Variants in RPS23 observed in about 807,000 individuals in gnomAD.
The protein encoded by RPS23 is small ribosomal subunit protein uS12.
For synonymous variants in RPS23, 66 were observed against 60.4 expected (o/e 1.09, Z -0.43); for missense variants, 73 against 174.5 (o/e 0.42, Z 3.28).
intron 2 of RPS23, chr5:82,276,807 G>T: frequency 3.3e-6 from 1 of 301,008 alleles, no homozygotes; most frequent in East Asian, 5.5e-5. Context: ...TGCCTAGAAC[G>T]TCAAGATGGC....
rs904535082 is a variant in RPS23, at chr5:82,276,017, C to T, written c.*92G>A. On this transcript the variant is annotated 3_prime_UTR_variant, in exon 4 of 4. Transcript: ENST00000296674. ...AAGGGGGGGTGGTGGTGGTAATGAA[C>T]ATGATCTTCGTGGTGAGAACAGGGG... The T allele has an allele frequency of 1.6e-4, 201 of 1,242,940 alleles. No homozygotes were observed. Among genetic ancestry groups the T allele is most frequent in the Admixed American group, 2.1e-4 (9 of 43,508 alleles). The allele number at this position is 1,242,940 out of a possible 1,614,324, so 77.0% of individuals were successfully genotyped here.
rs774513139 is a variant in RPS23 at position 82,276,112 on chromosome 5, T to C, written c.429A>G (p.Ser143=). 4.9e-5 allele frequency: 79 copies of C among 1,596,268 alleles called. No homozygotes were observed. The African/African-American group carries it at 9.1e-4, about 18-fold the overall frequency. ...LYKGKKERPR[S] ...ACAGTGTTTTCACCATTAATATTTA[T>C]GATCTTGGTCTTTCCTTCTTGCCTT... Residue 143 remains serine, a synonymous_variant, in exon 4 of 4, where the codon TCA becomes TCG. Transcript: ENST00000296674.
intron 2 of RPS23, chr5:82,277,408 A>AT: frequency 7.0e-6 from 3 of 431,060 alleles, no homozygotes; most frequent in Non-Finnish European, 1.3e-5. Flanking sequence ...CCATTTACTT[A>AT]TAACAACTCC....
chr5:82,277,682 A>C lies in RPS23; in HGVS notation c.164+11T>G. On this transcript the variant is annotated intron_variant, in intron 2 of 3. Transcript: ENST00000296674. ...TAATAAACTAAAACTTGACGGGAGC[A>C]ATGGACTTACACTTTTTCCAGCACG... The C allele has an allele frequency of 6.2e-7, 1 of 1,613,402 alleles. No individual in the cohort carries two copies. The highest frequency in any genetic ancestry group is 8.5e-7 in the Non-Finnish European group (1 of 1,179,582).
rs1049323754 is a variant in RPS23 at position 82,273,882 on chromosome 5, GAA to G, written c.*2225_*2226del. The stretch of plus-strand genomic sequence containing the variant: ...CCAGCTTAACAGGATTTTTCAGAGA[GAA>G]AAAGTTTTTTAATTTTAATGAAATC... On this transcript the variant is annotated 3_prime_UTR_variant, in exon 4 of 4. Coordinates refer to ENST00000296674, the MANE Select transcript of RPS23 (RefSeq NM_001025.5). 9 of 152,110 alleles carry G rather than the reference GAA, an allele frequency of 5.9e-5. No homozygotes were observed. The highest frequency in any genetic ancestry group is 1.9e-4 in the East Asian group (1 of 5,198). 9.4% of individuals were successfully genotyped at this position (152,110 alleles called of 1,614,324 possible).
intron 2 of RPS23, 123 bp from the exon 3 acceptor site, chr5:82,276,641 T>C (rs1216817364): frequency 2.5e-6 from 3 of 1,193,530 alleles, no homozygotes; most frequent in African/African-American, 3.1e-5. Context: ...ATGGCTGAGC[T>C]GAAGTCCTGT....
At chr5:82,277,633 G>T in intron 2 of RPS23, 60 bp downstream of exon 2, 5 of 1,520,492 alleles carry the variant, frequency 3.3e-6, no homozygotes, top group South Asian at 1.1e-5. Flanking sequence ...ACAAGAATTC[G>T]TAAGTTCATG....
At chr5:82,276,334 T>C (rs756638329) in intron 3 of RPS23, 64 bp downstream of exon 3, 2 of 1,612,552 alleles carry the variant, frequency 1.2e-6, no homozygotes, top group East Asian at 2.2e-5. Flanking sequence ...CTCCCTTGCA[T>C]CAGATAAAAA....
rs759560792 is a variant in RPS23 at position 82,276,088 on chromosome 5, C to T, written c.*21G>A. ...TTTGGCATATGAAAATTTATTACTA[C>T]AGTGTTTTCACCATTAATATTTATG... On this transcript the variant is annotated 3_prime_UTR_variant, in exon 4 of 4. Coordinates refer to ENST00000296674, the MANE Select transcript of RPS23 (RefSeq NM_001025.5). 3 of 1,596,070 alleles carry T rather than the reference C, an allele frequency of 1.9e-6. No individual in the cohort carries two copies. The African/African-American group carries it at 4.1e-5, about 22-fold the overall frequency.
rs368315202 is a variant in RPS23, at chr5:82,276,419, G to A, written c.264C>T (p.Asp88=). The change falls in exon 3 of 4, where the codon GAC becomes GAT. Residue 88 remains aspartate, a synonymous_variant. Coordinates refer to ENST00000296674, the MANE Select transcript of RPS23 (RefSeq NM_001025.5). ...GKKITAFVPN[D]GCLNFIEEND... is the part of the protein sequence containing the mutation. ...TCACCTCAATAAAGTTCAAGCAACC[G>A]TCATTGGGTACAAAGGCTGTGATTT... 1.5e-4 allele frequency: 238 copies of A among 1,613,936 alleles called. 1 individual carries two copies. The highest frequency in any genetic ancestry group is 1.4e-3 in the African/African-American group (103 of 75,012).
At chr5:82,278,139 T>G (rs1224454467) in intron 1 of RPS23, 181 bp downstream of exon 1, 3 of 819,942 alleles carry the variant, frequency 3.7e-6, no homozygotes, top group Non-Finnish European at 5.7e-6. Context: ...CTCGGCGGCC[T>G]CCACGCCTCA....
rs1378115823 is a variant in RPS23, at chr5:82,278,339, G to A, written c.-16C>T. ...GCTCACCCATCCTGTCGGCGCCACGGGCCTGAGCGAAAGAGAGAAGCACCG... is the reference window on the plus strand; with the variant it reads ...GCTCACCCATCCTGTCGGCGCCACGAGCCTGAGCGAAAGAGAGAAGCACCG... On this transcript the variant is annotated 5_prime_UTR_variant, in exon 1 of 4. Transcript: ENST00000296674. 2.5e-6 allele frequency: 4 copies of A among 1,608,336 alleles called. No individual in the cohort carries two copies. Among genetic ancestry groups the A allele is most frequent in the African/African-American group, 1.3e-5 (1 of 74,668 alleles).
Position 82,276,030 on chromosome 5 carries a change from G to C in RPS23, c.*79C>G. On this transcript the variant is annotated 3_prime_UTR_variant, in exon 4 of 4. Transcript: ENST00000296674. ...GGTGGTAATGAACATGATCTTCGTG[G>C]TGAGAACAGGGGACAGTAAGATACA... The C allele has an allele frequency of 1.5e-6, 2 of 1,352,642 alleles. No homozygotes were observed. Among genetic ancestry groups the C allele is most frequent in the Non-Finnish European group, 2.0e-6 (2 of 978,508 alleles). 83.8% of individuals were successfully genotyped at this position (1,352,642 alleles called of 1,614,324 possible).
chr5:82,273,441 G>C lies in RPS23; in HGVS notation c.*2668C>G, dbSNP rs1432618143. 1 of 149,416 alleles carries C rather than the reference G, an allele frequency of 6.7e-6. No homozygotes were observed. The highest frequency in any genetic ancestry group is 6.6e-5 in the Admixed American group (1 of 15,214). The allele number at this position is 149,416 out of a possible 1,614,324, so 9.3% of individuals were successfully genotyped here. On this transcript the variant is annotated 3_prime_UTR_variant, in exon 4 of 4. Transcript: ENST00000296674. ...GCTCACAACACTAAAGATTTCACAT[G>C]AAAGGGTCGTGATTGATTGAGCAAT... is the stretch of plus-strand genomic sequence containing the variant.
chr5:82,277,738 G>A lies in RPS23; in HGVS notation c.119C>T (p.Pro40Leu). Reference sequence around the variant, plus strand: ...TTTTGCATGAGAAGCACCTCCAAAAGGGTTGGCCTTTAGGGCTGTGCCCAA... The same window carrying A: ...TTTTGCATGAGAAGCACCTCCAAAAAGGTTGGCCTTTAGGGCTGTGCCCAA... Reference protein sequence around the residue: ...AHLGTALKANPFGGASHAKGI... With the variant: ...AHLGTALKANLFGGASHAKGI... The change falls in exon 2 of 4, where the codon CCT (proline) becomes CTT (leucine). Residue 40 changes from proline (P) to leucine (L), a missense_variant. Coordinates refer to ENST00000296674, the MANE Select transcript of RPS23 (RefSeq NM_001025.5). 6.2e-7 allele frequency: 1 copy of A among 1,614,026 alleles called. No homozygotes were observed.
chr5:82,275,897 T>C lies in RPS23; in HGVS notation c.*212A>G. 1.9e-6 allele frequency: 1 copy of C among 540,112 alleles called. No homozygotes were observed. 33.5% of individuals were successfully genotyped at this position (540,112 alleles called of 1,614,324 possible). ...GAGGGAAACTGTGCCAGGTTACAAA[T>C]GTTATTAACTCTAGAGAATCCTGAA... On this transcript the variant is annotated 3_prime_UTR_variant, in exon 4 of 4. Coordinates refer to ENST00000296674, the MANE Select transcript of RPS23 (RefSeq NM_001025.5).
chr5:82,278,311 A>T lies in RPS23; in HGVS notation c.4+9T>A. ...TTGCAGCGCCCTTAAACCGGCCACA[A>T]CAGCTCACCCATCCTGTCGGCGCCA... is the stretch of plus-strand genomic sequence containing the variant. On this transcript the variant is annotated intron_variant, in intron 1 of 3. Transcript: ENST00000296674. The T allele has an allele frequency of 6.2e-7, 1 of 1,610,400 alleles. No individual in the cohort carries two copies. The highest frequency in any genetic ancestry group is 8.5e-7 in the Non-Finnish European group (1 of 1,178,624).
intron 1 of RPS23, 71 bp from the exon 2 acceptor site, chr5:82,277,923 C>A: frequency 1.5e-6 from 2 of 1,350,666 alleles, no homozygotes. Context: ...CTAAGACACT[C>A]GCCTCACCTG....
chr5:82,275,912 A>G lies in RPS23; in HGVS notation c.*197T>C, dbSNP rs1365419454. On this transcript the variant is annotated 3_prime_UTR_variant, in exon 4 of 4. Coordinates refer to ENST00000296674, the MANE Select transcript of RPS23 (RefSeq NM_001025.5). ...AGGTTACAAATGTTATTAACTCTAG[A>G]GAATCCTGAAACAACCCTGTCTTAT... The G allele has an allele frequency of 1.6e-5, 9 of 575,736 alleles. No homozygotes were observed. Among genetic ancestry groups the G allele is most frequent in the Non-Finnish European group, 2.5e-5 (8 of 322,528 alleles). 35.7% of individuals were successfully genotyped at this position (575,736 alleles called of 1,614,324 possible).
Sources: allele counts gnomAD v4.1 joint callset, GRCh38; gene constraint gnomAD v4.1.1; transcripts MANE v1.5; gene names NCBI Gene and HGNC (gene_info 2026-07-23, HGNC 2026-07-21).